The following ECE1 variants were observed in gnomAD, a reference collection of about 807,000 sequenced individuals.
The protein encoded by ECE1 is endothelin-converting enzyme 1.
A neutral mutation model predicts 98.6 loss-of-function variants in ECE1; 35 were observed. The ratio of observed to expected loss-of-function variants is 0.35; its 90% CI spans 0.27 to 0.47. ECE1 has a LOEUF of 0.47. Among genes scored for constraint, ECE1 ranks in the 20% least tolerant of loss-of-function variants. The pLI, the probability that ECE1 is intolerant of heterozygous loss-of-function variation, is 1.00. For missense variants in ECE1, 814 were observed against 1,025.3 expected (o/e 0.79, Z 2.81); for synonymous variants, 394 against 407.1 (o/e 0.97, Z 0.39).
chr1:21,304,347 AC>A (rs1212524605), intron 1 of ECE1, among the ~76,000 whole-genome samples: 1 of 144,104 alleles, frequency 6.9e-6, no homozygotes, highest in Non-Finnish European at 1.5e-5. Flanking sequence ...AAAAAAAGAT[AC>A]GCCAATGCTG....
chr1:21,268,255 C>G (rs2098236382), intron 4 of ECE1, among the ~76,000 whole-genome samples: 1 of 152,132 alleles, frequency 6.6e-6, no homozygotes, highest in Non-Finnish European at 1.5e-5. Flanking sequence ...AAGGCAGGGC[C>G]AAGTCTAAGG....
intron 4 of ECE1, among the ~76,000 whole-genome samples, chr1:21,264,319 C>T (rs1023839788): frequency 1.4e-5 from 2 of 143,636 alleles, no homozygotes; most frequent in African/African-American, 2.6e-5. Flanking sequence ...TCCCCCCCCC[C>T]CTTTTTTTTT....
At chr1:21,303,640 G>A (rs1425491690) in intron 1 of ECE1, among the ~76,000 whole-genome samples, 1 of 152,276 alleles carries the variant, frequency 6.6e-6, no homozygotes, top group Middle Eastern at 3.4e-3. Context: ...TACGGCACTA[G>A]GAATTTTGTT....
chr1:21,275,253 C>G (rs2098245197), intron 3 of ECE1, among the ~76,000 whole-genome samples: 1 of 152,052 alleles, frequency 6.6e-6, no homozygotes, highest in African/African-American at 2.4e-5. Context: ...TTGCTGTTAT[C>G]ACACAGGGAC....
At chr1:21,230,009 C>A (rs995362663) in intron 14 of ECE1, among the ~76,000 whole-genome samples, 4 of 151,884 alleles carry the variant, frequency 2.6e-5, no homozygotes. Flanking sequence ...AAATTCCGGC[C>A]CCGGTGACAT....
chr1:21,318,691 G>A (rs1111879), intron 1 of ECE1, among the ~76,000 whole-genome samples: 6,692 of 152,152 alleles, frequency 0.044, 492 homozygotes, highest in African/African-American at 0.15. Context: ...CTCCCTGGGT[G>A]AGAGGCAGGC....
chr1:21,312,230 G>T (rs1358021528), intron 1 of ECE1, among the ~76,000 whole-genome samples: 1 of 151,162 alleles, frequency 6.6e-6, no homozygotes, highest in African/African-American at 2.4e-5. Flanking sequence ...TTGAGCTCAG[G>T]AGTTCAAGAC....
In ECE1 at chr1:21,290,282, G is replaced by A. The variant is rs1282173104; in HGVS notation, c.51+82C>T. On this transcript the variant is annotated intron_variant, in intron 1 of 18. Transcript: ENST00000374893. The surrounding 1 kb of genome is among the most constrained non-coding windows in gnomAD (Gnocchi z 7.3). Reference sequence around the variant, plus strand: ...CGCCCCGGCCTGGACACCCGAGACCGAGACCGGCCCACGGAGCGGCCCGCG... The same window carrying A: ...CGCCCCGGCCTGGACACCCGAGACCAAGACCGGCCCACGGAGCGGCCCGCG... 1.5e-5 allele frequency: 19 copies of A among 1,293,370 alleles called. No homozygotes were observed. Among genetic ancestry groups the A allele is most frequent in the Non-Finnish European group, 1.8e-5 (18 of 1,020,848 alleles). 80.1% of individuals were successfully genotyped at this position (1,293,370 alleles called of 1,614,324 possible). A position where few individuals can be genotyped will look rare whatever the true frequency, so the allele number is the denominator to read the frequency against.
At chr1:21,238,749 A>G (rs1192684394) in intron 10 of ECE1, among the ~76,000 whole-genome samples, 1 of 152,218 alleles carries the variant, frequency 6.6e-6, no homozygotes, top group African/African-American at 2.4e-5. Context: ...CCCCAGGGCC[A>G]GGGCTCCAAT....
At chr1:21,317,993 C>T (rs576110097) in intron 1 of ECE1, among the ~76,000 whole-genome samples, 1 of 152,368 alleles carries the variant, frequency 6.6e-6, no homozygotes, top group African/African-American at 2.4e-5. Context: ...GGACAAAACA[C>T]ATGCAAAGCA....
intron 10 of ECE1, among the ~76,000 whole-genome samples, chr1:21,243,650 T>C (rs1207539531): frequency 6.6e-6 from 1 of 152,214 alleles, no homozygotes. Context: ...TTTGGAACCA[T>C]CATCCTGGGT....
chr1:21,331,359 A>G (rs213042), intron 1 of ECE1, among the ~76,000 whole-genome samples: 151,246 of 152,196 alleles, frequency 0.99, 75,150 homozygotes, highest in Middle Eastern at 1. Flanking sequence ...AGCCGAGATC[A>G]TGCCACTGCA....
At chr1:21,253,505 G>A (rs2098215432) in intron 8 of ECE1, among the ~76,000 whole-genome samples, 1 of 151,974 alleles carries the variant, frequency 6.6e-6, no homozygotes, top group South Asian at 2.1e-4. Flanking sequence ...GCTCACGCCT[G>A]TAATCCCAAC....
intron 1 of ECE1, among the ~76,000 whole-genome samples, chr1:21,332,697 G>A (rs1639223602): frequency 1.7e-5 from 1 of 58,516 alleles, no homozygotes; most frequent in South Asian, 1.1e-3. Context: ...GGAGGAGAGG[G>A]GAGAGGAGGT....
At chr1:21,265,487 G>A (rs1377740854) in intron 4 of ECE1, among the ~76,000 whole-genome samples, 8 of 152,312 alleles carry the variant, frequency 5.3e-5, no homozygotes, top group African/African-American at 1.7e-4. Flanking sequence ...AGCCGAGATA[G>A]CGCCACTGTA....
chr1:21,342,277 A>C (rs1639413464), intron 1 of ECE1, among the ~76,000 whole-genome samples: 1 of 152,160 alleles, frequency 6.6e-6, no homozygotes. Flanking sequence ...ACTGTCTGCC[A>C]GGTTACCCCT....
chr1:21,245,330 G>A (rs2098201949), intron 9 of ECE1, among the ~76,000 whole-genome samples: 1 of 152,210 alleles, frequency 6.6e-6, no homozygotes, highest in Non-Finnish European at 1.5e-5. Context: ...GTTGAGTGCA[G>A]TCACTTGTAT....
At chr1:21,299,632 G>A (rs1018627232) in intron 1 of ECE1, 3 of 152,234 alleles carry the variant, frequency 2.0e-5, no homozygotes, top group Admixed American at 1.3e-4. Context: ...TGAGGGTGTG[G>A]ACTTGGGAGC....
In ECE1 at chr1:21,253,037, ATT is replaced by A. The variant is rs958001037; in HGVS notation, c.1020+2908_1020+2909del. On this transcript the variant is annotated intron_variant, in intron 8 of 18. Coordinates refer to ENST00000374893, the MANE Select transcript of ECE1 (RefSeq NM_001397.3). ...TTCAGGGGGCCAGGACTTCTTTATT[ATT>A]TTATTTTATTTTATTTTATTTTATT... 2.2e-4 allele frequency among the ~76,000 whole-genome samples: 7 copies of A among 31,274 alleles called. No individual in the cohort carries two copies. In the African/African-American group the frequency reaches 2.7e-3, roughly 12 times the overall value. 20.5% of individuals were successfully genotyped at this position (31,274 alleles called of 152,430 possible). A position where few individuals can be genotyped will look rare whatever the true frequency, so the allele number is the denominator to read the frequency against.
Sources: allele counts gnomAD v4.1 joint callset (sites outside exome capture counted in the v4.1 genomes callset), GRCh38; gene constraint gnomAD v4.1.1; non-coding constraint Gnocchi (gnomAD v3.1); transcripts MANE v1.5; gene names NCBI Gene and HGNC (gene_info 2026-07-23, HGNC 2026-07-21).